HIVEP3: variants seen among roughly 807,000 people sequenced by gnomAD.
The protein encoded by HIVEP3 is transcription factor HIVEP3.
HIVEP3 carries 49 observed loss-of-function variants against 152.8 expected under a neutral mutation model. The ratio of observed to expected loss-of-function variants is 0.32; its 90% confidence interval spans 0.26 to 0.41. The LOEUF is 0.41. Among genes scored for constraint, HIVEP3 ranks in the 10% least tolerant of loss-of-function variants. The probability of loss-of-function intolerance (pLI) is 1.00; values close to 1 mark genes in which losing one functional copy is unlikely to be tolerated. For missense variants in HIVEP3, 2,790 were observed against 3,103.3 expected (o/e 0.90, Z 2.40); for synonymous variants, 1,269 against 1,289.0 (o/e 0.98, Z 0.33).
chr1:41,602,562 C>T (rs1644762948), intron 3 of HIVEP3, among the ~76,000 whole-genome samples: 1 of 151,986 alleles, frequency 6.6e-6, no homozygotes, highest in Admixed American at 6.6e-5. Context: ...CTTTTTATTT[C>T]TGTGGCATCA....
At position 41,538,845 on chromosome 1, in the gene HIVEP3, A is replaced by G. The variant is rs547788536; in HGVS notation, c.5208-13935T>C. ...AGGAGTGGATGCCTTCACTGCGAAC[A>G]TTAGGTGGAGTTGCTCCAGCCATGA... On this transcript the variant is annotated intron_variant, in intron 5 of 8. Transcript: ENST00000372583. Among the ~76,000 whole-genome samples, 11 of 152,200 alleles carry G rather than the reference A, an allele frequency of 7.2e-5. 1 individual carries two copies. The South Asian group carries it at 1.5e-3, about 20-fold the overall frequency.
chr1:41,715,907 A>C (rs1019730215), intron 1 of HIVEP3, among the ~76,000 whole-genome samples: 4 of 152,260 alleles, frequency 2.6e-5, no homozygotes, highest in African/African-American at 9.6e-5. Flanking sequence ...GAACTTGCAC[A>C]TATACACAGG....
In HIVEP3 at chr1:41,529,917, A is replaced by ACC. The variant is rs34763153; in HGVS notation, c.5208-5009_5208-5008dup. ...CCCACAATCAAACCCACACACCAAC[A>ACC]CCCCCCACCACACGGACATGCACCC... On this transcript the variant is annotated intron_variant, in intron 5 of 8. Transcript: ENST00000372583. 8.3e-4 allele frequency among the ~76,000 whole-genome samples: 75 copies of ACC among 90,098 alleles called. 1 individual carries two copies. Among genetic ancestry groups the ACC allele is most frequent in the African/African-American group, 3.3e-3 (70 of 21,190 alleles). The allele number at this position is 90,098 out of a possible 152,430, so 59.1% of individuals were successfully genotyped here. A position where few individuals can be genotyped will look rare whatever the true frequency, so the allele number is the denominator to read the frequency against.
intron 1 of HIVEP3, among the ~76,000 whole-genome samples, chr1:41,841,696 A>G (rs1388112243): frequency 2.6e-5 from 4 of 152,220 alleles, no homozygotes; most frequent in Non-Finnish European, 4.4e-5. Context: ...CAGGGCCTCA[A>G]TGTCCTCACG....
chr1:41,934,372 T>TC (rs1448740711), intron 1 of HIVEP3, among the ~76,000 whole-genome samples: 1 of 152,140 alleles, frequency 6.6e-6, no homozygotes, highest in East Asian at 1.9e-4. Flanking sequence ...ATCTCATTTC[T>TC]CCCTGAAGAT....
At chr1:41,674,030 C>T (rs891390583) in intron 2 of HIVEP3, among the ~76,000 whole-genome samples, 5 of 152,222 alleles carry the variant, frequency 3.3e-5, no homozygotes, top group African/African-American at 1.2e-4. Context: ...TCTCTGACAC[C>T]AGGGCGGGGC....
At chr1:41,754,041 A>G (rs548089101) in intron 1 of HIVEP3, among the ~76,000 whole-genome samples, 1 of 152,188 alleles carries the variant, frequency 6.6e-6, no homozygotes, top group Non-Finnish European at 1.5e-5. Flanking sequence ...GCTGAGGAAG[A>G]CATTCTGGGC....
chr1:42,000,765 AT>A (rs1433011449), intron 1 of HIVEP3, among the ~76,000 whole-genome samples: 4 of 152,210 alleles, frequency 2.6e-5, no homozygotes, highest in African/African-American at 9.7e-5. Context: ...AATACTCAAA[AT>A]GGAAGACTCT....
intron 2 of HIVEP3, among the ~76,000 whole-genome samples, chr1:41,650,062 T>C (rs1645523780): frequency 6.6e-6 from 1 of 151,896 alleles, no homozygotes. Context: ...ATCCTTAAGA[T>C]TCACCCTTGG....
intron 2 of HIVEP3, among the ~76,000 whole-genome samples, chr1:41,646,444 A>G (rs941860609): frequency 1.6e-4 from 24 of 152,336 alleles, no homozygotes; most frequent in Admixed American, 1.5e-3. Context: ...TGTTCCTTGC[A>G]GGAGATGGGA....
intron 1 of HIVEP3, among the ~76,000 whole-genome samples, chr1:41,742,518 C>T (rs1251811860): frequency 1.3e-5 from 2 of 152,240 alleles, no homozygotes; most frequent in African/African-American, 4.8e-5. Context: ...ATGCAAGTCT[C>T]CCAGTGACTA....
intron 1 of HIVEP3, among the ~76,000 whole-genome samples, chr1:41,727,456 G>A (rs973528465): frequency 1.3e-5 from 2 of 152,254 alleles, no homozygotes; most frequent in Non-Finnish European, 2.9e-5. Context: ...GCTGAGCAGA[G>A]AGGAGTAGGG....
chr1:41,753,035 T>C (rs945042767), intron 1 of HIVEP3, among the ~76,000 whole-genome samples: 2 of 152,220 alleles, frequency 1.3e-5, no homozygotes, highest in Non-Finnish European at 2.9e-5. Context: ...TCTGAGTTGC[T>C]GTAAAGCGGT....
intron 5 of HIVEP3, among the ~76,000 whole-genome samples, chr1:41,569,994 G>A (rs1375372562): frequency 6.6e-6 from 1 of 152,238 alleles, no homozygotes; most frequent in African/African-American, 2.4e-5. Context: ...GACAAAGGGT[G>A]GGTTCACTGA....
At chr1:41,610,717 T>C (rs1644885118) in intron 3 of HIVEP3, among the ~76,000 whole-genome samples, 1 of 152,232 alleles carries the variant, frequency 6.6e-6, no homozygotes, top group Non-Finnish European at 1.5e-5. Flanking sequence ...TTTAATTCAA[T>C]AAATACTTAC....
At position 41,510,288 on chromosome 1, in the gene HIVEP3, GC is replaced by G; in HGVS notation, c.*162del. ...TAAGCAACAAAAGGTGTAGAAAAAG[GC>G]ACAGGTAACTGCATACATGGGAAGG... On this transcript the variant is annotated 3_prime_UTR_variant, in exon 9 of 9. Coordinates refer to ENST00000372583, the MANE Select transcript of HIVEP3 (RefSeq NM_024503.5). 2.1e-6 allele frequency: 1 copy of G among 466,130 alleles called. No individual in the cohort carries two copies. Among genetic ancestry groups the G allele is most frequent in the East Asian group, 3.5e-5 (1 of 28,590 alleles). 28.9% of individuals were successfully genotyped at this position (466,130 alleles called of 1,614,324 possible). A position where few individuals can be genotyped will look rare whatever the true frequency, so the allele number is the denominator to read the frequency against.
intron 3 of HIVEP3, among the ~76,000 whole-genome samples, chr1:41,620,013 G>A (rs1435320243): frequency 1.3e-5 from 2 of 152,120 alleles, no homozygotes; most frequent in African/African-American, 4.8e-5. Context: ...GCAGGGGTTT[G>A]GGGGCTGCAG....
chr1:41,604,522 C>G (rs910773113), intron 3 of HIVEP3, among the ~76,000 whole-genome samples: 12 of 152,018 alleles, frequency 7.9e-5, no homozygotes, highest in African/African-American at 2.4e-5. Flanking sequence ...AAGATTCCTC[C>G]CTAGTGAATG....
chr1:41,816,688 C>T (rs1489816043), intron 1 of HIVEP3, among the ~76,000 whole-genome samples: 3 of 152,136 alleles, frequency 2.0e-5, no homozygotes, highest in Non-Finnish European at 2.9e-5. Flanking sequence ...TCAAACAAAA[C>T]AAAACAAAAC....
Sources: allele counts gnomAD v4.1 joint callset (sites outside exome capture counted in the v4.1 genomes callset), GRCh38; gene constraint gnomAD v4.1.1; transcripts MANE v1.5; gene names NCBI Gene and HGNC (gene_info 2026-07-23, HGNC 2026-07-21).